Variants in EPHA5 observed in about 807,000 individuals in gnomAD.
EPHA5 encodes the protein EPH receptor A5.
EPHA5 carries 60 observed loss-of-function variants against 105.0 expected under a neutral mutation model. The observed-to-expected ratio is 0.57, with a 90% CI of 0.46 to 0.71. EPHA5 has a LOEUF of 0.71. Ranked by LOEUF, EPHA5 falls within the 30% of genes least tolerant of loss-of-function variation. EPHA5 has a pLI of 0.00. For synonymous variants in EPHA5, 513 were observed against 449.1 expected, an observed-to-expected ratio of 1.14 and a Z score of -1.80; for missense variants, 1,218 against 1,274.7, an observed-to-expected ratio of 0.96 and a Z score of 0.68.
chr4:65,431,080 C>T (rs936598891), intron 5 of EPHA5, among the ~76,000 whole-genome samples: 1 of 152,094 alleles, frequency 6.6e-6, no homozygotes, highest in Non-Finnish European at 1.5e-5. Flanking sequence ...TCTACATACT[C>T]CTATACCGAT....
chr4:65,657,234 C>T (rs1476484977), intron 1 of EPHA5, among the ~76,000 whole-genome samples: 1 of 151,600 alleles, frequency 6.6e-6, no homozygotes, highest in East Asian at 1.9e-4. Flanking sequence ...ATCCTTCTGC[C>T]CCCCAAGAAA....
intron 3 of EPHA5, among the ~76,000 whole-genome samples, chr4:65,593,098 C>T (rs1413319097): frequency 6.6e-6 from 1 of 151,980 alleles, no homozygotes; most frequent in East Asian, 1.9e-4. Context: ...CTCTAATTTG[C>T]TAAATATTGT....
intron 3 of EPHA5, among the ~76,000 whole-genome samples, chr4:65,555,649 G>T (rs1028546417): frequency 7.1e-6 from 1 of 140,324 alleles, no homozygotes; most frequent in African/African-American, 3.2e-5. Flanking sequence ...CACATTTTTC[G>T]AAGCTGGGCT....
chr4:65,364,983 T>C (rs909609322), intron 11 of EPHA5, 34 bp downstream of exon 11: 1 of 1,568,152 alleles, frequency 6.4e-7, no homozygotes, highest in Non-Finnish European at 8.7e-7. Flanking sequence ...ATTGAGGATA[T>C]GCACACACAT....
At chr4:65,334,052 C>T (rs577225859) in intron 15 of EPHA5, among the ~76,000 whole-genome samples, 139 of 152,004 alleles carry the variant, frequency 9.1e-4, no homozygotes, top group African/African-American at 3.1e-3. Flanking sequence ...CATCATGTCT[C>T]GCCTGCACAA....
At chr4:65,411,435 G>C (rs889210009) in intron 7 of EPHA5, among the ~76,000 whole-genome samples, 1 of 152,018 alleles carries the variant, frequency 6.6e-6, no homozygotes, top group Non-Finnish European at 1.5e-5. Context: ...TTCATTATTT[G>C]TATCATCCTT....
At chr4:65,579,848 A>G (rs935360186) in intron 3 of EPHA5, among the ~76,000 whole-genome samples, 6 of 151,996 alleles carry the variant, frequency 3.9e-5, no homozygotes, top group Admixed American at 2.6e-4. Context: ...ATACACATCT[A>G]TAAGTGCTAA....
chr4:65,651,598 C>T (rs1211553701), intron 1 of EPHA5, among the ~76,000 whole-genome samples: 1 of 152,070 alleles, frequency 6.6e-6, no homozygotes, highest in Non-Finnish European at 1.5e-5. Flanking sequence ...TAATATTATG[C>T]TTAATTGTTT....
chr4:65,608,503 C>CAA (rs909016151), intron 2 of EPHA5, among the ~76,000 whole-genome samples: 5 of 126,300 alleles, frequency 4.0e-5, no homozygotes, highest in Admixed American at 1.7e-4. Flanking sequence ...GACTCCATCT[C>CAA]AAAAAAAAAA....
chr4:65,546,340 T>C (rs78398738), intron 3 of EPHA5, among the ~76,000 whole-genome samples: 1,571 of 152,034 alleles, frequency 0.01, 12 homozygotes, highest in Middle Eastern at 0.02. Flanking sequence ...CATTTTCTTC[T>C]CTTTTGCACT....
At chr4:65,450,612 A>G (rs1441092624) in intron 5 of EPHA5, among the ~76,000 whole-genome samples, 1 of 152,210 alleles carries the variant, frequency 6.6e-6, no homozygotes, top group Non-Finnish European at 1.5e-5. Context: ...TTCTCCATCT[A>G]ATTATTAATC....
chr4:65,650,276 G>A (rs150013800), intron 1 of EPHA5, among the ~76,000 whole-genome samples: 53 of 151,970 alleles, frequency 3.5e-4, no homozygotes, highest in South Asian at 1.2e-3. Context: ...GGCTGGGCGC[G>A]GTGGCTCACG....
intron 1 of EPHA5, among the ~76,000 whole-genome samples, chr4:65,662,726 G>T (rs1749658136): frequency 6.6e-6 from 1 of 152,034 alleles, no homozygotes; most frequent in South Asian, 2.1e-4. Flanking sequence ...TGTGGGCAGG[G>T]GTGATATTTT....
chr4:65,422,368 G>A (rs1215926256), intron 5 of EPHA5, among the ~76,000 whole-genome samples: 1 of 152,080 alleles, frequency 6.6e-6, no homozygotes, highest in Non-Finnish European at 1.5e-5. Context: ...TAAAATAACT[G>A]TAACCAGGTT....
chr4:65,506,560 T>C (rs1270092438), intron 3 of EPHA5, among the ~76,000 whole-genome samples: 1 of 145,546 alleles, frequency 6.9e-6, no homozygotes, highest in Non-Finnish European at 1.5e-5. Context: ...TGTGAGATGG[T>C]ATCTCATTGT....
At chr4:65,332,435 T>A (rs1351572318) in intron 15 of EPHA5, among the ~76,000 whole-genome samples, 1 of 151,782 alleles carries the variant, frequency 6.6e-6, no homozygotes, top group Admixed American at 6.6e-5. Flanking sequence ...AACACAGAAT[T>A]TTTAGGACAA....
chr4:65,474,648 A>G (rs907644038), intron 5 of EPHA5, among the ~76,000 whole-genome samples: 1 of 152,186 alleles, frequency 6.6e-6, no homozygotes, highest in Non-Finnish European at 1.5e-5. Flanking sequence ...TCCTCAAGCT[A>G]GATGCTTGTT....
Position 65,495,460 on chromosome 4 carries a change from C to G in EPHA5, c.994G>C (p.Ala332Pro), listed in dbSNP as rs759135705. 1.4e-5 allele frequency: 23 copies of G among 1,613,780 alleles called. No individual in the cohort carries two copies. The highest frequency in any genetic ancestry group is 1.9e-5 in the Non-Finnish European group (23 of 1,179,874). ...CPPHSYTHEE[A>P]STSCVCEKDY... ...TTTTCACAGACACAAGAGGTTGAAGCTTCCTCATGGGTATAACTGTGAGGT... is the reference window on the plus strand; with the variant it reads ...TTTTCACAGACACAAGAGGTTGAAGGTTCCTCATGGGTATAACTGTGAGGT... Residue 332 changes from alanine to proline, a missense_variant, in exon 4 of 17, where the codon GCT becomes CCT. Ala to Pro is a conservative substitution (Grantham distance 27). Around this residue, in one of 3 missense-constraint regions of EPHA5, gnomAD observed 971 missense variants for 1,013.5 expected, o/e 0.96. Transcript: ENST00000613740.
chr4:65,376,161 G>T (rs1447848309), intron 8 of EPHA5, among the ~76,000 whole-genome samples: 1 of 151,780 alleles, frequency 6.6e-6, no homozygotes, highest in East Asian at 1.9e-4. Context: ...AATTTAAAAA[G>T]CCCCTAGGAA....
Sources: gnomAD v4.1 joint callset for allele counts (sites outside exome capture counted in the v4.1 genomes callset) on GRCh38, gnomAD v4.1.1 for gene constraint, gnomAD v4.1.1 regional missense constraint, MANE v1.5 for transcripts, NCBI Gene and HGNC (gene_info 2026-07-23, HGNC 2026-07-21) for gene names.